SEMA5A: variants seen among roughly 807,000 people sequenced by gnomAD.
SEMA5A encodes semaphorin 5A.
Under a neutral mutation model 135.5 loss-of-function variants are expected in SEMA5A, and 55 were observed. The observed-to-expected ratio is 0.41, with a 90% CI of 0.33 to 0.51. SEMA5A has a LOEUF of 0.51. Among genes scored for constraint, SEMA5A ranks in the 20% least tolerant of loss-of-function variants. The probability of loss-of-function intolerance (pLI) is 0.37; values close to 1 mark genes in which losing one functional copy is unlikely to be tolerated. For missense variants in SEMA5A, 1,290 were observed against 1,419.9 expected (o/e 0.91, Z 1.47); for synonymous variants, 580 against 546.5 (o/e 1.06, Z -0.85).
intron 5 of SEMA5A, among the ~76,000 whole-genome samples, chr5:9,312,363 AAT>A (rs1372546836): frequency 2.6e-5 from 4 of 151,560 alleles, no homozygotes; most frequent in African/African-American, 7.3e-5. Context: ...AAAAAAAAAA[AAT>A]TATCACAGTC....
At chr5:9,287,893 T>C (rs1034969062) in intron 5 of SEMA5A, among the ~76,000 whole-genome samples, 1 of 152,188 alleles carries the variant, frequency 6.6e-6, no homozygotes, top group Non-Finnish European at 1.5e-5. Flanking sequence ...TTTTAAAAAA[T>C]AAAATGTCAT....
At chr5:9,282,853 T>C (rs375684818) in intron 5 of SEMA5A, among the ~76,000 whole-genome samples, 14 of 152,144 alleles carry the variant, frequency 9.2e-5, no homozygotes, top group South Asian at 4.2e-4. Context: ...TTATGCTTCA[T>C]GGCAAGGGGG....
chr5:9,501,441 CAT>C (rs1335500141), intron 1 of SEMA5A, among the ~76,000 whole-genome samples: 1 of 152,154 alleles, frequency 6.6e-6, no homozygotes, highest in African/African-American at 2.4e-5. Context: ...CATATAAAAA[CAT>C]ACACACACAT....
At chr5:9,349,372 A>G (rs996730501) in intron 3 of SEMA5A, among the ~76,000 whole-genome samples, 3 of 152,232 alleles carry the variant, frequency 2.0e-5, no homozygotes, top group Admixed American at 6.5e-5. Context: ...AACCAACTGT[A>G]GGTACTGCCT....
chr5:9,412,084 A>G (rs1757119124), intron 2 of SEMA5A, among the ~76,000 whole-genome samples: 1 of 152,204 alleles, frequency 6.6e-6, no homozygotes, highest in South Asian at 2.1e-4. Context: ...GGTAAATGAT[A>G]TTGTGACTGT....
chr5:9,077,252 A>G (rs1022924129), intron 16 of SEMA5A, among the ~76,000 whole-genome samples: 1 of 152,202 alleles, frequency 6.6e-6, no homozygotes, highest in African/African-American at 2.4e-5. Context: ...TTACTTAGCC[A>G]TCCCAAATAA....
chr5:9,309,465 C>T (rs576612763), intron 5 of SEMA5A, among the ~76,000 whole-genome samples: 1 of 152,212 alleles, frequency 6.6e-6, no homozygotes, highest in South Asian at 2.1e-4. Flanking sequence ...TGAGTTATGG[C>T]CAGTGGAATT....
intron 12 of SEMA5A, among the ~76,000 whole-genome samples, chr5:9,136,900 T>C (rs886096142): frequency 1.3e-5 from 2 of 152,174 alleles, no homozygotes; most frequent in African/African-American, 2.4e-5. Context: ...TTTGCTGTCA[T>C]AAATAGTGCT....
intron 6 of SEMA5A, among the ~76,000 whole-genome samples, chr5:9,237,071 T>C (rs999642011): frequency 7.2e-5 from 11 of 152,250 alleles, no homozygotes; most frequent in African/African-American, 2.2e-4. Flanking sequence ...GTATAACTGC[T>C]GTCTTCTGTA....
At chr5:9,089,066 C>T (rs1738889867) in intron 16 of SEMA5A, among the ~76,000 whole-genome samples, 1 of 152,142 alleles carries the variant, frequency 6.6e-6, no homozygotes, top group Non-Finnish European at 1.5e-5. Flanking sequence ...ATCCAGTGAC[C>T]TGTCTGTGCA....
At chr5:9,199,041 C>T (rs1179212750) in intron 9 of SEMA5A, among the ~76,000 whole-genome samples, 1 of 152,190 alleles carries the variant, frequency 6.6e-6, no homozygotes, top group Non-Finnish European at 1.5e-5. Context: ...CAGCCCAAGT[C>T]ACAGGCTGCA....
intron 16 of SEMA5A, among the ~76,000 whole-genome samples, chr5:9,089,388 T>C (rs2150121115): frequency 6.6e-6 from 1 of 152,190 alleles, no homozygotes; most frequent in East Asian, 1.9e-4. Flanking sequence ...ATCAATCTGC[T>C]AGAGTTCAAA....
At position 9,400,512 on chromosome 5, in the gene SEMA5A, T is replaced by TAAATACGTTACATTATA. The variant is rs1345378386; in HGVS notation, c.-77-20490_-77-20489insTATAATGTAACGTATTT. Among the ~76,000 whole-genome samples the TAAATACGTTACATTATA allele has an allele frequency of 3.3e-3, 174 of 52,746 alleles. 2 individuals are homozygous for TAAATACGTTACATTATA. Among genetic ancestry groups the TAAATACGTTACATTATA allele is most frequent in the South Asian group, 6.2e-3 (9 of 1,442 alleles). The allele number at this position is 52,746 out of a possible 152,430, so 34.6% of individuals were successfully genotyped here. Reference sequence around the variant, plus strand: ...TGAACACAATGTACATTTTTTTTTTTTTTTTTTTTTTTGAGACGGAGTCTC... The same window carrying TAAATACGTTACATTATA: ...TGAACACAATGTACATTTTTTTTTTTAAATACGTTACATTATATTTTTTTTTTTTGAGACGGAGTCTC... On this transcript the variant is annotated intron_variant, in intron 2 of 22. Transcript: ENST00000382496.
chr5:9,385,588 G>A (rs1755849894), intron 2 of SEMA5A, among the ~76,000 whole-genome samples: 1 of 152,148 alleles, frequency 6.6e-6, no homozygotes, highest in South Asian at 2.1e-4. Flanking sequence ...GGACAAAGGA[G>A]TCAGGTGAGT....
chr5:9,133,601 G>C (rs765224761), intron 13 of SEMA5A, among the ~76,000 whole-genome samples: 1 of 152,134 alleles, frequency 6.6e-6, no homozygotes, highest in Non-Finnish European at 1.5e-5. Context: ...TGAAAGCAGA[G>C]ATGGTAGAGG....
chr5:9,052,131 CCATAG>C (rs1736620452), intron 19 of SEMA5A, 103 bp from the exon 20 acceptor site: 1 of 1,263,686 alleles, frequency 7.9e-7, no homozygotes, highest in African/African-American at 1.5e-5. Flanking sequence ...TTCCAGGATT[CCATAG>C]CATATTTTTA....
chr5:9,480,676 G>A (rs932761895), intron 1 of SEMA5A, among the ~76,000 whole-genome samples: 4 of 152,084 alleles, frequency 2.6e-5, no homozygotes, highest in Non-Finnish European at 5.9e-5. Flanking sequence ...TTCAGAGGAG[G>A]GAAACAGGCT....
At chr5:9,162,053 T>C (rs1450101108) in intron 11 of SEMA5A, among the ~76,000 whole-genome samples, 5 of 152,212 alleles carry the variant, frequency 3.3e-5, no homozygotes, top group Admixed American at 3.3e-4. Flanking sequence ...TTTCAGAAAC[T>C]TATTGATGGA....
chr5:9,518,987 A>G (rs1736673223), intron 1 of SEMA5A, among the ~76,000 whole-genome samples: 2 of 152,112 alleles, frequency 1.3e-5, no homozygotes, highest in Admixed American at 1.3e-4. Flanking sequence ...AATTATCACT[A>G]TCAGGGTTAA....
Sources: allele counts gnomAD v4.1 joint callset (sites outside exome capture counted in the v4.1 genomes callset), GRCh38; gene constraint gnomAD v4.1.1; transcripts MANE v1.5; gene names NCBI Gene and HGNC (gene_info 2026-07-23, HGNC 2026-07-21).